The following RUSF1 variants were observed in gnomAD, a reference collection of about 807,000 sequenced individuals.
RUSF1 encodes RUS family member 1.
Under a neutral mutation model 63.0 loss-of-function variants are expected in RUSF1, and 58 were observed. That is an observed-to-expected ratio of 0.92 (90% CI 0.75 to 1.15). The LOEUF (loss-of-function observed/expected upper bound fraction) is 1.15, where lower values mean the gene tolerates loss of function less well. Among genes scored for constraint, RUSF1 ranks in the 50% most tolerant of loss-of-function variants. The probability of loss-of-function intolerance (pLI) is 0.00; values close to 1 mark genes in which losing one functional copy is unlikely to be tolerated. For synonymous variants in RUSF1, 274 were observed against 255.8 expected (o/e 1.07, Z -0.68); for missense variants, 652 against 611.0 (o/e 1.07, Z -0.71).
chr16:31,496,610 G>GT (rs2082604289), intron 6 of RUSF1, among the ~76,000 whole-genome samples: 1 of 152,218 alleles, frequency 6.6e-6, no homozygotes, highest in Non-Finnish European at 1.5e-5. Context: ...GCACGGTGGG[G>GT]TCTGAAGAGG....
chr16:31,490,596 C>A lies in RUSF1; in HGVS notation c.*239G>T. 1 of 1,393,080 alleles carries A rather than the reference C, an allele frequency of 7.2e-7. No individual in the cohort carries two copies. The highest frequency in any genetic ancestry group is 1.0e-6 in the Non-Finnish European group (1 of 997,348). 86.3% of individuals were successfully genotyped at this position (1,393,080 alleles called of 1,614,324 possible). A position where few individuals can be genotyped will look rare whatever the true frequency, so the allele number is the denominator to read the frequency against. On this transcript the variant is annotated 3_prime_UTR_variant, in exon 13 of 13. Coordinates refer to ENST00000327237, the MANE Select transcript of RUSF1 (RefSeq NM_022744.4). ...ACAGGAAGTGGGGGTGAGGAGCCTG[C>A]GGTGCTCCCCAGAAAAGGGGAAGGG...
At chr16:31,503,888 CT>C (rs2082644651) in intron 2 of RUSF1, among the ~76,000 whole-genome samples, 1 of 152,204 alleles carries the variant, frequency 6.6e-6, no homozygotes, top group Non-Finnish European at 1.5e-5. Context: ...TCTCGAACTC[CT>C]GACCTCAGGT....
At chr16:31,507,516 G>A (rs1292172760) in intron 2 of RUSF1, among the ~76,000 whole-genome samples, 1 of 152,154 alleles carries the variant, frequency 6.6e-6, no homozygotes, top group African/African-American at 2.4e-5. Flanking sequence ...GACGGGATTT[G>A]GGATCCAGAT....
At chr16:31,496,701 C>A in intron 6 of RUSF1, 148 bp downstream of exon 6, 1 of 705,168 alleles carries the variant, frequency 1.4e-6, no homozygotes, top group Non-Finnish European at 2.2e-6. Flanking sequence ...CACCAGAGCC[C>A]AAACCCCTAC....
At position 31,490,637 on chromosome 16, in the gene RUSF1, G is replaced by A. The variant is rs2082558483; in HGVS notation, c.*198C>T. The A allele has an allele frequency of 1.7e-6, 2 of 1,160,776 alleles. No homozygotes were observed. The allele number at this position is 1,160,776 out of a possible 1,614,324, so 71.9% of individuals were successfully genotyped here. On this transcript the variant is annotated 3_prime_UTR_variant, in exon 13 of 13. Coordinates refer to ENST00000327237, the MANE Select transcript of RUSF1 (RefSeq NM_022744.4). ...AGGGGAAGGGGCAGTGGGGTGAGAA[G>A]GTCCTGGCTCCCCTTCTCCCGGCCT...
rs571480760 is a variant in RUSF1 at position 31,500,659 on chromosome 16, A to T, written c.461+27T>A. 9 of 1,609,092 alleles carry T rather than the reference A, an allele frequency of 5.6e-6. 1 individual carries two copies. In the South Asian group the frequency reaches 9.9e-5, roughly 18 times the overall value. On this transcript the variant is annotated intron_variant, in intron 3 of 12. Coordinates refer to ENST00000327237, the MANE Select transcript of RUSF1 (RefSeq NM_022744.4). ...TACCACTACTGGGAAGAGTTGCCAGAGTTGCTGGCCGGGAAGACAAACTCA... is the reference window on the plus strand; with the variant it reads ...TACCACTACTGGGAAGAGTTGCCAGTGTTGCTGGCCGGGAAGACAAACTCA...
In RUSF1 at chr16:31,508,389, C is replaced by T. The variant is rs1348113429; in HGVS notation, c.-16G>A. 1.4e-6 allele frequency: 2 copies of T among 1,467,878 alleles called. No homozygotes were observed. The highest frequency in any genetic ancestry group is 2.7e-5 in the South Asian group (2 of 74,846). The allele number at this position is 1,467,878 out of a possible 1,614,324, so 90.9% of individuals were successfully genotyped here. A position where few individuals can be genotyped will look rare whatever the true frequency, so the allele number is the denominator to read the frequency against. ...CGTCAGCCATGCCGAGCTTTTGGAT[C>T]CCAGCCCCGCCCCTGCCGCACGGTG... On this transcript the variant is annotated 5_prime_UTR_variant, in exon 1 of 13. Coordinates refer to ENST00000327237, the MANE Select transcript of RUSF1 (RefSeq NM_022744.4).
intron 2 of RUSF1, among the ~76,000 whole-genome samples, chr16:31,504,177 G>C (rs2142660579): frequency 6.6e-6 from 1 of 152,220 alleles, no homozygotes; most frequent in African/African-American, 2.4e-5. Context: ...TGGGATTATA[G>C]GCGTGAGCCA....
Position 31,507,830 on chromosome 16 carries a change from G to A in RUSF1, c.349C>T (p.Leu117=), listed in dbSNP as rs760729234. 3.8e-6 allele frequency: 6 copies of A among 1,577,956 alleles called. No homozygotes were observed. The highest frequency in any genetic ancestry group is 1.3e-5 in the African/African-American group (1 of 74,180). ...SGSLATQAVL[L]GIGVGNAKAT... Reference sequence around the variant, plus strand: ...TTTGCGTTCCCCACCCCTATGCCCAGCAAGACTGCCTGGGTGGCTAGGGAG... The same window carrying A: ...TTTGCGTTCCCCACCCCTATGCCCAACAAGACTGCCTGGGTGGCTAGGGAG... Residue 117 remains leucine, a synonymous_variant, in exon 2 of 13, where the codon CTG becomes TTG. Transcript: ENST00000327237.
chr16:31,496,610 G>T (rs962398074), intron 6 of RUSF1, among the ~76,000 whole-genome samples: 2 of 152,218 alleles, frequency 1.3e-5, no homozygotes, highest in African/African-American at 4.8e-5. Flanking sequence ...GCACGGTGGG[G>T]TCTGAAGAGG....
At chr16:31,499,120 T>G in intron 5 of RUSF1, 182 bp downstream of exon 5, 1 of 639,952 alleles carries the variant, frequency 1.6e-6, no homozygotes, top group South Asian at 1.9e-5. Context: ...TGCCTTACAC[T>G]TTCTGGGGCA....
rs2082574731 is a variant in RUSF1 at position 31,492,226 on chromosome 16, A to G, written c.1202T>C (p.Leu401Pro). Reference protein sequence around the residue: ...LQGDGPLPAELEELRNRVRAG... With the variant: ...LQGDGPLPAEPEELRNRVRAG... ...CCGCACCCGGTTCCTCAGCTCCTCCAGCTCTGCTGGAAGGGGTCCATCTCC... is the reference window on the plus strand; with the variant it reads ...CCGCACCCGGTTCCTCAGCTCCTCCGGCTCTGCTGGAAGGGGTCCATCTCC... The change falls in exon 11 of 13, where the codon CTG becomes CCG. Residue 401 changes from leucine to proline, a missense_variant. Coordinates refer to ENST00000327237, the MANE Select transcript of RUSF1 (RefSeq NM_022744.4). 1.2e-6 allele frequency: 2 copies of G among 1,612,162 alleles called. No individual in the cohort carries two copies. Among genetic ancestry groups the G allele is most frequent in the Non-Finnish European group, 1.7e-6 (2 of 1,178,936 alleles).
In RUSF1 at chr16:31,490,692, T is replaced by G; in HGVS notation, c.*143A>C. 1 of 1,110,508 alleles carries G rather than the reference T, an allele frequency of 9.0e-7. No homozygotes were observed. Among genetic ancestry groups the G allele is most frequent in the Non-Finnish European group, 1.3e-6 (1 of 743,836 alleles). The allele number at this position is 1,110,508 out of a possible 1,614,324, so 68.8% of individuals were successfully genotyped here. On this transcript the variant is annotated 3_prime_UTR_variant, in exon 13 of 13. Transcript: ENST00000327237. ...CTGCCTGGGGCCCACTGCATCTGAT[T>G]GGCAGTCACTTCCCATGAGGGCCTG...
intron 7 of RUSF1, 25 bp from the exon 8 acceptor site, chr16:31,493,812 G>C: frequency 6.2e-7 from 1 of 1,614,200 alleles, no homozygotes; most frequent in Non-Finnish European, 8.5e-7. Context: ...TGAGGTAGCT[G>C]AAGTGGGCAG....
chr16:31,493,006 G>A lies in RUSF1; in HGVS notation c.1059C>T (p.Ser353=). Residue 353 remains serine (S), a synonymous_variant, in exon 10 of 13, where the codon TCC becomes TCT. Coordinates refer to ENST00000327237, the MANE Select transcript of RUSF1 (RefSeq NM_022744.4). ...LQQLVEGHQE[S]YLLCWDQSQN... Reference sequence around the variant, plus strand: ...GTGACTGGTCCCAGCAGAGGAGGTAGGATTCTTGGTGCCCCTCAACCAGCT... The same window carrying A: ...GTGACTGGTCCCAGCAGAGGAGGTAAGATTCTTGGTGCCCCTCAACCAGCT... 1 of 1,613,558 alleles carries A rather than the reference G, an allele frequency of 6.2e-7. No homozygotes were observed. The highest frequency in any genetic ancestry group is 8.5e-7 in the Non-Finnish European group (1 of 1,179,602).
At chr16:31,490,958 C>T (rs770601019) in intron 12 of RUSF1, 26 bp from the exon 13 acceptor site, 21 of 1,610,458 alleles carry the variant, frequency 1.3e-5, no homozygotes, top group South Asian at 4.4e-5. Context: ...GGGGTGCTGC[C>T]GGGAATGCTG....
intron 2 of RUSF1, among the ~76,000 whole-genome samples, chr16:31,502,333 T>G (rs2097009309): frequency 6.6e-6 from 1 of 152,170 alleles, no homozygotes; most frequent in Admixed American, 6.5e-5. Flanking sequence ...AGAGCCTTCT[T>G]GGGCACTGAG....
intron 2 of RUSF1, among the ~76,000 whole-genome samples, chr16:31,506,592 G>A (rs1486674181): frequency 6.6e-6 from 1 of 152,174 alleles, no homozygotes; most frequent in African/African-American, 2.4e-5. Flanking sequence ...GACCAGCCTG[G>A]CCAACATGGT....
chr16:31,508,286 C>T lies in RUSF1; in HGVS notation c.88G>A (p.Gly30Arg), dbSNP rs759082711. 1.9e-6 allele frequency: 3 copies of T among 1,574,056 alleles called. No homozygotes were observed. The highest frequency in any genetic ancestry group is 8.6e-7 in the Non-Finnish European group (1 of 1,161,216). Residue 30 changes from glycine (G) to arginine (R), a missense_variant, in exon 1 of 13, where the codon GGG becomes AGG. Physicochemically the swap from Gly to Arg is moderately radical, Grantham distance 125 (BLOSUM62 -2). Transcript: ENST00000327237. ...EARGCRAAAD[G>R]SLQWEVGGWR... ...CCCCCGACCTCCCACTGCAGGCTCC[C>T]GTCCGCGGCGGCGCGGCAGCCCCGT...
Sources: gnomAD v4.1 joint callset for allele counts (sites outside exome capture counted in the v4.1 genomes callset) on GRCh38, gnomAD v4.1.1 for gene constraint, MANE v1.5 for transcripts, NCBI Gene and HGNC (gene_info 2026-07-23, HGNC 2026-07-21) for gene names.